The following GPR83 variants were observed in gnomAD, a reference collection of about 807,000 sequenced individuals.
GPR83 encodes G-protein coupled receptor 72.
GPR83 carries 23 observed loss-of-function variants against 28.0 expected under a neutral mutation model. The observed-to-expected ratio is 0.82, with a 90% CI of 0.59 to 1.16. GPR83 has a LOEUF of 1.16. Among genes scored for constraint, GPR83 ranks in the 50% most tolerant of loss-of-function variants. The pLI is 0.00. For synonymous variants in GPR83, 234 were observed against 215.4 expected (o/e 1.09, Z -0.76); for missense variants, 610 against 536.6 (o/e 1.14, Z -1.35).
At chr11:94,400,123 A>C (rs1039007972) in intron 1 of GPR83, among the ~76,000 whole-genome samples, 5 of 152,234 alleles carry the variant, frequency 3.3e-5, no homozygotes, top group African/African-American at 1.2e-4. Flanking sequence ...TTGATATTTC[A>C]GTTGTAGCAC....
chr11:94,386,391 G>T (rs1307885507), intron 3 of GPR83, among the ~76,000 whole-genome samples: 1 of 152,154 alleles, frequency 6.6e-6, no homozygotes, highest in Non-Finnish European at 1.5e-5. Flanking sequence ...CCAATTAAAA[G>T]ACACAGCCTG....
At chr11:94,384,602 G>C (rs1005504686) in intron 3 of GPR83, among the ~76,000 whole-genome samples, 2 of 152,150 alleles carry the variant, frequency 1.3e-5, no homozygotes, top group South Asian at 2.1e-4. Context: ...CAAGGAAAGG[G>C]GTGACAGACG....
At position 94,393,504 on chromosome 11, in the gene GPR83, A is replaced by G. The variant is rs372209016; in HGVS notation, c.628T>C (p.Leu210=). ...TCTCACCTGTATTTGAAGGTAAATA[A>G]TTTCTGGCAGATAGCATGTGGGAGT... The part of the protein sequence containing the change: ...FSLPHAICQK[L]FTFKYSEDIV... The change falls in exon 3 of 4, where the codon TTA becomes CTA. Residue 210 remains leucine, a synonymous_variant. Transcript: ENST00000243673. 4.5e-5 allele frequency: 73 copies of G among 1,613,992 alleles called. No homozygotes were observed. Among genetic ancestry groups the G allele is most frequent in the Non-Finnish European group, 5.7e-5 (67 of 1,179,974 alleles).
intron 3 of GPR83, among the ~76,000 whole-genome samples, chr11:94,389,169 T>C (rs900693920): frequency 1.3e-5 from 2 of 152,094 alleles, no homozygotes; most frequent in African/African-American, 2.4e-5. Flanking sequence ...ACACAAAAAT[T>C]AATTCAAGAT....
chr11:94,389,160 C>T (rs370036136), intron 3 of GPR83, among the ~76,000 whole-genome samples: 4 of 151,838 alleles, frequency 2.6e-5, no homozygotes, highest in Non-Finnish European at 1.5e-5. Context: ...TTACACCTTA[C>T]ACAAAAATTA....
rs1591608403 is a variant in GPR83 at position 94,396,598 on chromosome 11, G to A, written c.388-74C>T. On this transcript the variant is annotated intron_variant, in intron 1 of 3. Coordinates refer to ENST00000243673, the MANE Select transcript of GPR83 (RefSeq NM_016540.4). ...ACACCCATCCCTAGAGGTCTCTGAG[G>A]AGCATGCCCTTAGGGGGATTCCTCC... 3.3e-6 allele frequency: 5 copies of A among 1,503,832 alleles called. No homozygotes were observed. The East Asian group carries it at 1.1e-4, about 34-fold the overall frequency. 93.2% of individuals were successfully genotyped at this position (1,503,832 alleles called of 1,614,324 possible). A position where few individuals can be genotyped will look rare whatever the true frequency, so the allele number is the denominator to read the frequency against.
intron 3 of GPR83, among the ~76,000 whole-genome samples, chr11:94,382,967 A>T (rs1944709346): frequency 6.6e-6 from 1 of 151,974 alleles, no homozygotes. Flanking sequence ...GCTTGAGACC[A>T]TCCCGGCTAA....
intron 3 of GPR83, among the ~76,000 whole-genome samples, chr11:94,381,326 T>C (rs1465518997): frequency 6.6e-6 from 1 of 152,146 alleles, no homozygotes; most frequent in Admixed American, 6.5e-5. Context: ...TCTAGTTCTA[T>C]GTCCTGGTGG....
At position 94,393,470 on chromosome 11, in the gene GPR83, A is replaced by G. The variant is rs747365901; in HGVS notation, c.647+15T>C. ...GACACAAGTCCCCAGGCAGATCCCA[A>G]CGAATTCATCTCACCTGTATTTGAA... On this transcript the variant is annotated intron_variant, in intron 3 of 3. Transcript: ENST00000243673. 2.5e-6 allele frequency: 4 copies of G among 1,613,706 alleles called. No individual in the cohort carries two copies. Among genetic ancestry groups the G allele is most frequent in the Middle Eastern group, 3.3e-4 (2 of 6,058 alleles).
In GPR83 at chr11:94,378,263, GA is replaced by G. The variant is rs1944641761; in HGVS notation, c.*1885del. The G allele has an allele frequency of 6.6e-6, 1 of 152,208 alleles. No homozygotes were observed. Among genetic ancestry groups the G allele is most frequent in the African/African-American group, 2.4e-5 (1 of 41,462 alleles). 9.4% of individuals were successfully genotyped at this position (152,208 alleles called of 1,614,324 possible). On this transcript the variant is annotated 3_prime_UTR_variant, in exon 4 of 4. Coordinates refer to ENST00000243673, the MANE Select transcript of GPR83 (RefSeq NM_016540.4). ...CATAGTTCATTACAGGGAAGCAGATGATGTGAGCAAGTTCAGTTTCAGTTAA... is the reference window on the plus strand; with the variant it reads ...CATAGTTCATTACAGGGAAGCAGATGTGTGAGCAAGTTCAGTTTCAGTTAA...
rs1339682961 is a variant in GPR83 at position 94,400,822 on chromosome 11, G to T, written c.387+39C>A. Reference sequence around the variant, plus strand: ...GAGAACTGAGAGAGGAAAGGGAGACGAAGACAGAAGGTGGGGCGGCAGGCA... The same window carrying T: ...GAGAACTGAGAGAGGAAAGGGAGACTAAGACAGAAGGTGGGGCGGCAGGCA... On this transcript the variant is annotated intron_variant, in intron 1 of 3. Transcript: ENST00000243673. The T allele has an allele frequency of 4.4e-6, 7 of 1,595,752 alleles. No individual in the cohort carries two copies. The East Asian group carries it at 6.7e-5, about 15-fold the overall frequency.
At position 94,380,019 on chromosome 11, in the gene GPR83, G is replaced by A. The variant is rs535466654; in HGVS notation, c.*130C>T. 3.8e-5 allele frequency: 26 copies of A among 679,050 alleles called. No individual in the cohort carries two copies. Among genetic ancestry groups the A allele is most frequent in the African/African-American group, 1.2e-4 (7 of 56,782 alleles). The allele number at this position is 679,050 out of a possible 1,614,324, so 42.1% of individuals were successfully genotyped here. A position where few individuals can be genotyped will look rare whatever the true frequency, so the allele number is the denominator to read the frequency against. Reference sequence around the variant, plus strand: ...GGCTAGGAGGCTGGACAGTTTCCTAGGAATTCAAGAGTCCTACAGCTTCTG... The same window carrying A: ...GGCTAGGAGGCTGGACAGTTTCCTAAGAATTCAAGAGTCCTACAGCTTCTG... On this transcript the variant is annotated 3_prime_UTR_variant, in exon 4 of 4. Transcript: ENST00000243673.
chr11:94,386,861 C>G (rs1404828934), intron 3 of GPR83, among the ~76,000 whole-genome samples: 1 of 152,220 alleles, frequency 6.6e-6, no homozygotes, highest in Non-Finnish European at 1.5e-5. Flanking sequence ...CACCCCAAAT[C>G]AACAGATTAC....
Position 94,401,366 on chromosome 11 carries a change from G to A in GPR83, c.-119C>T. The A allele has an allele frequency of 1.0e-6, 1 of 1,004,840 alleles. No individual in the cohort carries two copies. The allele number at this position is 1,004,840 out of a possible 1,614,324, so 62.2% of individuals were successfully genotyped here. A position where few individuals can be genotyped will look rare whatever the true frequency, so the allele number is the denominator to read the frequency against. On this transcript the variant is annotated 5_prime_UTR_variant, in exon 1 of 4. Coordinates refer to ENST00000243673, the MANE Select transcript of GPR83 (RefSeq NM_016540.4). The stretch of plus-strand genomic sequence containing the variant: ...ATACAAGGCCGTCCCGAGGAGCCAG[G>A]GAGCCCGGACGCGCGGAGCACCGCG...
At chr11:94,388,145 G>C (rs1205282829) in intron 3 of GPR83, among the ~76,000 whole-genome samples, 13 of 151,482 alleles carry the variant, frequency 8.6e-5, no homozygotes, top group Non-Finnish European at 1.5e-5. Context: ...TAAAAACTCA[G>C]TAAATTAGGT....
intron 1 of GPR83, among the ~76,000 whole-genome samples, chr11:94,396,970 A>C (rs144756407): frequency 7.9e-4 from 121 of 152,280 alleles, no homozygotes; most frequent in African/African-American, 2.9e-3. Flanking sequence ...TGTCTGGCAG[A>C]TTGTTCAGAT....
Position 94,380,785 on chromosome 11 carries a change from A to G in GPR83, c.648-12T>C. ...GCACAATGTCCTCACTGGGGGCAGG[A>G]AGTGGGGAGGGGGAGAGAGGTAACA... On this transcript the variant is annotated splice_polypyrimidine_tract_variant and intron_variant, in intron 3 of 3. Coordinates refer to ENST00000243673, the MANE Select transcript of GPR83 (RefSeq NM_016540.4). 1 of 1,596,890 alleles carries G rather than the reference A, an allele frequency of 6.3e-7. No homozygotes were observed. The highest frequency in any genetic ancestry group is 2.2e-5 in the East Asian group (1 of 44,652).
intron 3 of GPR83, among the ~76,000 whole-genome samples, chr11:94,389,725 C>G (rs537251713): frequency 1.0e-3 from 156 of 152,334 alleles, no homozygotes; most frequent in African/African-American, 3.5e-3. Flanking sequence ...GTTGGTGGGA[C>G]TGTAAACTAG....
chr11:94,393,771 G>C (rs1462810844), intron 2 of GPR83, among the ~76,000 whole-genome samples, 153 bp from the exon 3 acceptor site: 1 of 151,908 alleles, frequency 6.6e-6, no homozygotes, highest in Admixed American at 6.6e-5. Context: ...GACCAGACTG[G>C]GCAACACAGT....
Sources: gnomAD v4.1 joint callset for allele counts (sites outside exome capture counted in the v4.1 genomes callset) on GRCh38, gnomAD v4.1.1 for gene constraint, MANE v1.5 for transcripts, NCBI Gene and HGNC (gene_info 2026-07-23, HGNC 2026-07-21) for gene names.